The following LRRTM3 variants were observed in gnomAD, a reference collection of about 807,000 sequenced individuals.
LRRTM3 encodes the protein leucine-rich repeat transmembrane neuronal protein 3.
Under a neutral mutation model 44.7 loss-of-function variants are expected in LRRTM3, and 24 were observed. The observed-to-expected ratio is 0.54, with a 90% CI of 0.39 to 0.76. The LOEUF (loss-of-function observed/expected upper bound fraction) is 0.76. LRRTM3 is among the 30% of genes least tolerant of loss of function. LRRTM3 has a pLI of 0.00. For missense variants in LRRTM3, 587 were observed against 702.2 expected (o/e 0.84, Z 1.85); for synonymous variants, 277 against 278.7 (o/e 0.99, Z 0.06).
intron 2 of LRRTM3, among the ~76,000 whole-genome samples, chr10:67,013,658 A>G (rs1852477850): frequency 6.6e-6 from 1 of 152,208 alleles, no homozygotes; most frequent in African/African-American, 2.4e-5. Flanking sequence ...AATACCATAC[A>G]GTTAAATCTG....
intron 2 of LRRTM3, among the ~76,000 whole-genome samples, chr10:66,980,891 T>C (rs1461294047): frequency 3.3e-5 from 5 of 152,120 alleles, no homozygotes; most frequent in Admixed American, 2.6e-4. Context: ...TCCACAGTTT[T>C]TCTTTTTCTT....
intron 2 of LRRTM3, among the ~76,000 whole-genome samples, chr10:67,093,596 T>C (rs1857791110): frequency 6.6e-6 from 1 of 151,496 alleles, no homozygotes; most frequent in African/African-American, 2.4e-5. Context: ...TGCCAGCTGG[T>C]AGCCTCTCCA....
chr10:66,950,611 A>C (rs1848491008), intron 2 of LRRTM3, among the ~76,000 whole-genome samples: 2 of 152,140 alleles, frequency 1.3e-5, no homozygotes, highest in South Asian at 4.1e-4. Flanking sequence ...ATAAATGTTT[A>C]CCATTTTCAG....
chr10:66,955,614 T>C (rs970377275), intron 2 of LRRTM3, among the ~76,000 whole-genome samples: 2 of 152,126 alleles, frequency 1.3e-5, no homozygotes, highest in East Asian at 1.9e-4. Context: ...GTTGGATGAA[T>C]GGATATATGG....
At chr10:67,007,034 G>T (rs1211208690) in intron 2 of LRRTM3, among the ~76,000 whole-genome samples, 5 of 152,076 alleles carry the variant, frequency 3.3e-5, no homozygotes, top group Admixed American at 1.3e-4. Context: ...GACCTCAAAT[G>T]ATCCACCCTG....
At chr10:66,955,564 C>T (rs759564390) in intron 2 of LRRTM3, among the ~76,000 whole-genome samples, 6 of 152,108 alleles carry the variant, frequency 3.9e-5, no homozygotes, top group Non-Finnish European at 8.8e-5. Context: ...TTCCTCATTG[C>T]CTCTCATAAC....
intron 2 of LRRTM3, among the ~76,000 whole-genome samples, chr10:66,929,406 T>C (rs1210290477): frequency 6.6e-6 from 1 of 152,192 alleles, no homozygotes; most frequent in African/African-American, 2.4e-5. Context: ...ATGTAGTTAG[T>C]AGAATCCTTA....
At chr10:67,026,677 C>T (rs756737282) in intron 2 of LRRTM3, among the ~76,000 whole-genome samples, 18 of 152,078 alleles carry the variant, frequency 1.2e-4, no homozygotes, top group Non-Finnish European at 2.5e-4. Context: ...CTTCATAAAG[C>T]ATCTCTTTCA....
At chr10:67,013,153 G>C (rs908404903) in intron 2 of LRRTM3, 1 of 152,104 alleles carries the variant, frequency 6.6e-6, no homozygotes. Flanking sequence ...TAGGTGAAAA[G>C]ACTAAAGTCA....
chr10:67,085,921 T>A (rs1857284892), intron 2 of LRRTM3, among the ~76,000 whole-genome samples: 1 of 151,964 alleles, frequency 6.6e-6, no homozygotes, highest in South Asian at 2.1e-4. Context: ...CATGACGTTA[T>A]CTATATAAAG....
At chr10:67,023,112 G>C (rs935897873) in intron 2 of LRRTM3, among the ~76,000 whole-genome samples, 3 of 152,054 alleles carry the variant, frequency 2.0e-5, no homozygotes, top group Non-Finnish European at 4.4e-5. Flanking sequence ...TCAAAATCCA[G>C]GTAGACTTTT....
intron 2 of LRRTM3, among the ~76,000 whole-genome samples, chr10:67,003,157 C>A (rs998822480): frequency 1.3e-5 from 2 of 152,150 alleles, no homozygotes; most frequent in African/African-American, 4.8e-5. Context: ...TGACTTCATT[C>A]CTTACCAGGA....
chr10:67,005,691 T>TTTTTTGTTTGTTTG (rs1554895968), intron 2 of LRRTM3, among the ~76,000 whole-genome samples: 1 of 121,484 alleles, frequency 8.2e-6, no homozygotes, highest in African/African-American at 2.8e-5. Flanking sequence ...TCTTTTTTTT[T>TTTTTTGTTTGTTTG]TTTTTTTTTT....
chr10:67,035,401 T>A (rs1853982703), intron 2 of LRRTM3, among the ~76,000 whole-genome samples: 1 of 152,204 alleles, frequency 6.6e-6, no homozygotes, highest in African/African-American at 2.4e-5. Flanking sequence ...TTTATATTTA[T>A]ATGCGTTATT....
At chr10:67,016,511 T>C (rs1236607401) in intron 2 of LRRTM3, among the ~76,000 whole-genome samples, 2 of 152,072 alleles carry the variant, frequency 1.3e-5, no homozygotes, top group African/African-American at 4.8e-5. Context: ...TAGAACGAGG[T>C]TGTTGGCAGA....
At chr10:67,066,261 C>T (rs1284418207) in intron 2 of LRRTM3, among the ~76,000 whole-genome samples, 1 of 145,440 alleles carries the variant, frequency 6.9e-6, no homozygotes, top group Non-Finnish European at 1.5e-5. Context: ...GGCACCATCT[C>T]AGCTCACTGC....
intron 2 of LRRTM3, among the ~76,000 whole-genome samples, chr10:67,097,045 G>A (rs796401595): frequency 2.6e-5 from 4 of 151,962 alleles, no homozygotes; most frequent in Admixed American, 6.6e-5. Flanking sequence ...TAATAGTCCA[G>A]CATCATATAG....
intron 2 of LRRTM3, among the ~76,000 whole-genome samples, chr10:67,064,794 C>T (rs1855968289): frequency 6.6e-6 from 1 of 151,870 alleles, no homozygotes; most frequent in Non-Finnish European, 1.5e-5. Flanking sequence ...CTCACTTTTA[C>T]TTCACATACA....
intron 2 of LRRTM3, among the ~76,000 whole-genome samples, chr10:66,996,907 A>C (rs972436186): frequency 2.9e-4 from 44 of 152,122 alleles, no homozygotes; most frequent in African/African-American, 1.0e-3. Context: ...GACAGTCTGT[A>C]ATTCAGCTTT....
Sources: gnomAD v4.1 joint callset for allele counts (sites outside exome capture counted in the v4.1 genomes callset) on GRCh38, gnomAD v4.1.1 for gene constraint, MANE v1.5 for transcripts, NCBI Gene and HGNC (gene_info 2026-07-23, HGNC 2026-07-21) for gene names.